The following EYS variants were observed in gnomAD, a reference collection of about 807,000 sequenced individuals.
EYS encodes the protein protein eyes shut homolog.
Under a neutral mutation model 282.1 loss-of-function variants are expected in EYS, and 250 were observed. The ratio of observed to expected loss-of-function variants is 0.89; its 90% CI spans 0.80 to 0.98. The LOEUF (loss-of-function observed/expected upper bound fraction) is 0.98, where lower values mean the gene tolerates loss of function less well. Among genes scored for constraint, EYS ranks in the 50% least tolerant of loss-of-function variants. The pLI is 0.00. For synonymous variants in EYS, 1,355 were observed against 1,282.9 expected (o/e 1.06, Z -1.20); for missense variants, 4,016 against 3,709.0 (o/e 1.08, Z -2.15).
At chr6:64,237,419 T>C (rs978972289) in intron 30 of EYS, among the ~76,000 whole-genome samples, 2 of 152,222 alleles carry the variant, frequency 1.3e-5, no homozygotes, top group Admixed American at 6.5e-5. Flanking sequence ...TATAAACACA[T>C]ACACATGTAT....
Position 65,706,391 on chromosome 6 carries a change from T to C in EYS, c.-448+744A>G, listed in dbSNP as rs548166492. ...AAGATTTTTAAGCTCATTAAAGTCA[T>C]AAGAATTAAACAGAACTAATAAATC... On this transcript the variant is annotated intron_variant, in intron 1 of 42. Coordinates refer to ENST00000503581, the MANE Select transcript of EYS (RefSeq NM_001142800.2). Among the ~76,000 whole-genome samples the C allele has an allele frequency of 5.7e-4, 87 of 152,202 alleles. 1 individual carries two copies. The highest frequency in any genetic ancestry group is 2.0e-3 in the African/African-American group (83 of 41,566).
chr6:63,778,184 G>T lies in EYS; in HGVS notation c.7724-4C>A. The T allele has an allele frequency of 6.4e-7, 1 of 1,551,382 alleles. No individual in the cohort carries two copies. Among genetic ancestry groups the T allele is most frequent in the South Asian group, 1.2e-5 (1 of 84,032 alleles). ...ACTTGAAGAGTGAAAATACAGCCTT[G>T]AAGAAATGCAAAAACACTTCGTGTT... On this transcript the variant is annotated splice_polypyrimidine_tract_variant and splice_region_variant and intron_variant, in intron 39 of 42. Coordinates refer to ENST00000503581, the MANE Select transcript of EYS (RefSeq NM_001142800.2).
At chr6:65,614,323 C>G (rs1012447921) in intron 2 of EYS, among the ~76,000 whole-genome samples, 7 of 152,000 alleles carry the variant, frequency 4.6e-5, no homozygotes, top group African/African-American at 1.7e-4. Context: ...CAATTACACC[C>G]TAATTAAAGA....
Position 64,954,516 on chromosome 6 carries a change from A to G in EYS, c.2260-8602T>C, listed in dbSNP as rs926069003. 2.6e-5 allele frequency among the ~76,000 whole-genome samples: 4 copies of G among 152,210 alleles called. No homozygotes were observed. In the South Asian group the frequency reaches 8.3e-4, roughly 31 times the overall value. ...ATAATCTTGTATGAGATGATCACATAAAGATGACAGTATATAAATGTAATT... is the reference window on the plus strand; with the variant it reads ...ATAATCTTGTATGAGATGATCACATGAAGATGACAGTATATAAATGTAATT... On this transcript the variant is annotated intron_variant, in intron 14 of 42. Coordinates refer to ENST00000503581, the MANE Select transcript of EYS (RefSeq NM_001142800.2).
intron 22 of EYS, among the ~76,000 whole-genome samples, chr6:64,769,998 T>A (rs1344653997): frequency 1.3e-5 from 2 of 152,022 alleles, no homozygotes; most frequent in African/African-American, 4.8e-5. Context: ...TTTATTATTG[T>A]TGGTAGAAAT....
chr6:64,821,550 T>C (rs1241615367), intron 21 of EYS, 95 bp downstream of exon 21: 5 of 629,504 alleles, frequency 7.9e-6, no homozygotes, highest in Middle Eastern at 4.3e-4. Context: ...TCAACAACTG[T>C]GGAAGAAATG....
At chr6:64,393,833 AGTCAAATT>A (rs1348555211) in intron 28 of EYS, among the ~76,000 whole-genome samples, 2 of 152,078 alleles carry the variant, frequency 1.3e-5, no homozygotes, top group Non-Finnish European at 2.9e-5. Flanking sequence ...GAAAAGAGGA[AGTCAAATT>A]GTCCCTGTTT....
At position 64,873,198 on chromosome 6, in the gene EYS, G is replaced by C. The variant is rs182101757; in HGVS notation, c.2992+13499C>G. 3.3e-5 allele frequency among the ~76,000 whole-genome samples: 5 copies of C among 152,146 alleles called. No homozygotes were observed. In the East Asian group the frequency reaches 7.7e-4, roughly 24 times the overall value. On this transcript the variant is annotated intron_variant, in intron 19 of 42. Transcript: ENST00000503581. ...AGAAGGTGAAAGGCACATCTCACATGGATGGCAGCAAGCAAAGAGCTTGTG... is the reference window on the plus strand; with the variant it reads ...AGAAGGTGAAAGGCACATCTCACATCGATGGCAGCAAGCAAAGAGCTTGTG...
chr6:65,334,709 G>A (rs886093837), intron 11 of EYS, among the ~76,000 whole-genome samples: 2 of 151,730 alleles, frequency 1.3e-5, no homozygotes, highest in Non-Finnish European at 2.9e-5. Context: ...ACAGATTTAT[G>A]CTAACTTAAT....
rs535569827 is a variant in EYS at position 65,485,158 on chromosome 6, T to C, written c.862+5436A>G. ...TTCCCTAGAAAATCAATGATGAATA[T>C]GTAGTTGCCCCTAAACTGTGCCACT... On this transcript the variant is annotated intron_variant, in intron 5 of 42. Transcript: ENST00000503581. 6.6e-5 allele frequency among the ~76,000 whole-genome samples: 10 copies of C among 152,328 alleles called. No individual in the cohort carries two copies. In the South Asian group the frequency reaches 8.3e-4, roughly 13 times the overall value.
chr6:64,830,163 T>C (rs1367581007), intron 19 of EYS, among the ~76,000 whole-genome samples: 1 of 151,998 alleles, frequency 6.6e-6, no homozygotes, highest in Non-Finnish European at 1.5e-5. Context: ...TGTGAGGACA[T>C]GGCTAGAAGG....
intron 22 of EYS, among the ~76,000 whole-genome samples, chr6:64,810,057 G>A (rs1764546985): frequency 6.6e-6 from 1 of 151,924 alleles, no homozygotes; most frequent in Non-Finnish European, 1.5e-5. Flanking sequence ...CAATATGTAA[G>A]CAATATTGCT....
intron 13 of EYS, among the ~76,000 whole-genome samples, chr6:65,030,825 G>A (rs1772579450): frequency 6.6e-6 from 1 of 152,092 alleles, no homozygotes; most frequent in Admixed American, 6.6e-5. Flanking sequence ...ATGTAAATAG[G>A]TAAATGTCTT....
chr6:64,296,571 TATATATATATATACATATATATATA>T (rs1769011792), intron 30 of EYS, among the ~76,000 whole-genome samples: 1 of 8,810 alleles, frequency 1.1e-4, no homozygotes, highest in African/African-American at 7.8e-4. Context: ...TATATATATA[TATATATATATATACATATATATATA>T]TATTTTTTTT....
intron 35 of EYS, among the ~76,000 whole-genome samples, chr6:63,924,853 G>A (rs1026016405): frequency 6.6e-6 from 1 of 152,132 alleles, no homozygotes; most frequent in Non-Finnish European, 1.5e-5. Context: ...GTAAAAATGG[G>A]AAATAAATAA....
chr6:63,924,395 GTC>G (rs1216944305), intron 35 of EYS, among the ~76,000 whole-genome samples: 1 of 152,210 alleles, frequency 6.6e-6, no homozygotes, highest in East Asian at 1.9e-4. Flanking sequence ...TTCTGAAGTT[GTC>G]TGTGTAGTGG....
At chr6:64,726,350 A>G (rs1771755632) in intron 22 of EYS, among the ~76,000 whole-genome samples, 1 of 152,162 alleles carries the variant, frequency 6.6e-6, no homozygotes, top group African/African-American at 2.4e-5. Flanking sequence ...TTGAATCTCA[A>G]TATTTCACAC....
chr6:64,497,503 T>C (rs2150509713), intron 26 of EYS, among the ~76,000 whole-genome samples: 1 of 152,070 alleles, frequency 6.6e-6, no homozygotes, highest in East Asian at 1.9e-4. Context: ...AGAAACCCAC[T>C]GACAAGAGCA....
Position 65,138,858 on chromosome 6 carries a change from G to T in EYS, c.2024-81131C>A, listed in dbSNP as rs571437293. Among the ~76,000 whole-genome samples the T allele has an allele frequency of 2.0e-5, 3 of 152,198 alleles. No individual in the cohort carries two copies. In the East Asian group the frequency reaches 5.8e-4, roughly 30 times the overall value. ...AAATATTCAACATCACTAATCGTTA[G>T]AGAAGTGCAAATCAAAACCACAATG... On this transcript the variant is annotated intron_variant, in intron 12 of 42. Transcript: ENST00000503581.
Sources: allele counts gnomAD v4.1 joint callset (sites outside exome capture counted in the v4.1 genomes callset), GRCh38; gene constraint gnomAD v4.1.1; transcripts MANE v1.5; gene names NCBI Gene and HGNC (gene_info 2026-07-23, HGNC 2026-07-21).